The following ZNF549 variants were observed in gnomAD, a reference collection of about 807,000 sequenced individuals.
ZNF549 encodes the protein zinc finger protein 549.
In ZNF549, 11 loss-of-function variants were observed where a neutral mutation model predicts 11.1. The ratio of observed to expected loss-of-function variants is 0.99; its 90% CI spans 0.62 to 1.64. The LOEUF is 1.64. ZNF549 is among the 40% of genes most tolerant of loss of function. The pLI, the probability that ZNF549 is intolerant of heterozygous loss-of-function variation, is 0.00. For synonymous variants in ZNF549, 266 were observed against 269.1 expected (o/e 0.99, Z 0.11); for missense variants, 748 against 765.1 (o/e 0.98, Z 0.26).
In ZNF549 at chr19:57,538,868, T is replaced by G; in HGVS notation, c.1864T>G (p.Phe622Val). ...TGAATGTGGTAAATGTGGGAAAGCC[T>G]TCAACAAAAGATATTCCCTTGTCAG... The part of the protein sequence containing the change: ...PYECGKCGKA[F>V]NKRYSLVRHQ... Residue 622 changes from phenylalanine to valine, a missense_variant, in exon 4 of 4, where the codon TTC (phenylalanine) becomes GTC (valine). By Grantham distance (50) the Phe-to-Val change is conservative. Transcript: ENST00000376233. 1 of 1,611,768 alleles carries G rather than the reference T, an allele frequency of 6.2e-7. No individual in the cohort carries two copies.
At chr19:57,534,401 T>C (rs1237934460) in intron 2 of ZNF549, among the ~76,000 whole-genome samples, 6 of 152,198 alleles carry the variant, frequency 3.9e-5, no homozygotes, top group Admixed American at 1.3e-4. Context: ...TTGGTAACTC[T>C]TGGTAGGGCC....
rs1315432157 is a variant in ZNF549 at position 57,540,372 on chromosome 19, CCTT to C, written c.*1448_*1450del. 6.6e-6 allele frequency: 1 copy of C among 152,186 alleles called. No homozygotes were observed. The highest frequency in any genetic ancestry group is 2.4e-5 in the African/African-American group (1 of 41,442). The allele number at this position is 152,186 out of a possible 1,614,324, so 9.4% of individuals were successfully genotyped here. A position where few individuals can be genotyped will look rare whatever the true frequency, so the allele number is the denominator to read the frequency against. Reference sequence around the variant, plus strand: ...TGAGGTGCAGTTTTCATACACAAAACCTTCTATCTTTTTAAGAACTGTCTGTAT... The same window carrying C: ...TGAGGTGCAGTTTTCATACACAAAACCTATCTTTTTAAGAACTGTCTGTAT... On this transcript the variant is annotated 3_prime_UTR_variant, in exon 4 of 4. Transcript: ENST00000376233.
At chr19:57,531,049 A>G (rs774915569) in intron 1 of ZNF549, 21 bp from the exon 2 acceptor site, 4 of 1,598,046 alleles carry the variant, frequency 2.5e-6, no homozygotes, top group South Asian at 1.1e-5. Flanking sequence ...CCTGTATTTC[A>G]TAGCCTCCCT....
In ZNF549 at chr19:57,527,402, C is replaced by T. The variant is rs1376579731; in HGVS notation, c.-172C>T. The T allele has an allele frequency of 9.8e-6, 9 of 921,662 alleles. No homozygotes were observed. Among genetic ancestry groups the T allele is most frequent in the Non-Finnish European group, 1.5e-5 (9 of 602,732 alleles). The allele number at this position is 921,662 out of a possible 1,614,324, so 57.1% of individuals were successfully genotyped here. On this transcript the variant is annotated 5_prime_UTR_variant, in exon 1 of 4. Transcript: ENST00000376233. ...GTCCGCGGGCTGGGCGTTTCCGGCT[C>T]GCTGGGTCCGGGCCAGGTAACTGGA...
intron 1 of ZNF549, among the ~76,000 whole-genome samples, chr19:57,528,333 G>A (rs2089888522): frequency 6.6e-6 from 1 of 152,218 alleles, no homozygotes; most frequent in African/African-American, 2.4e-5. Flanking sequence ...TTTGGACGTG[G>A]TGTTTCTAAA....
chr19:57,537,234 C>T lies in ZNF549; in HGVS notation c.230C>T (p.Ala77Val), dbSNP rs1328378559. The change falls in exon 4 of 4, where the codon GCC becomes GTC. Residue 77 changes from alanine (A) to valine (V), a missense_variant. Transcript: ENST00000376233. The part of the protein sequence containing the change: ...GCLHGIEAEE[A>V]PSEQTLSAQG... ...TTGCATGGAATAGAGGCTGAGGAGG[C>T]CCCTTCTGAGCAGACTCTTTCTGCG... The T allele has an allele frequency of 1.2e-6, 2 of 1,613,872 alleles. No homozygotes were observed. Among genetic ancestry groups the T allele is most frequent in the Non-Finnish European group, 1.7e-6 (2 of 1,179,860 alleles).
At chr19:57,528,423 T>C (rs1304725635) in intron 1 of ZNF549, among the ~76,000 whole-genome samples, 1 of 152,152 alleles carries the variant, frequency 6.6e-6, no homozygotes, top group East Asian at 1.9e-4. Flanking sequence ...CTCAGTGATG[T>C]GTAAATGGAG....
chr19:57,530,378 T>A (rs568105438), intron 1 of ZNF549, among the ~76,000 whole-genome samples: 1 of 152,332 alleles, frequency 6.6e-6, no homozygotes, highest in East Asian at 1.9e-4. Context: ...TACCTTGCCA[T>A]ATGCATCGCT....
chr19:57,529,224 C>T (rs1185784918), intron 1 of ZNF549, among the ~76,000 whole-genome samples: 1 of 152,192 alleles, frequency 6.6e-6, no homozygotes, highest in Non-Finnish European at 1.5e-5. Context: ...CAATGAATGT[C>T]TGAACAGTAG....
At chr19:57,534,844 G>A (rs770186589) in intron 2 of ZNF549, among the ~76,000 whole-genome samples, 112 of 152,198 alleles carry the variant, frequency 7.4e-4, no homozygotes, top group East Asian at 7.7e-4. Flanking sequence ...TAGCAGTCAC[G>A]ATCTGGAGAT....
intron 3 of ZNF549, among the ~76,000 whole-genome samples, chr19:57,536,197 TC>T (rs1490823349): frequency 6.6e-6 from 1 of 152,186 alleles, no homozygotes; most frequent in Admixed American, 6.5e-5. Flanking sequence ...ATACAGATGT[TC>T]CTCAGCTCGT....
At chr19:57,529,504 ATCTC>A (rs2089894228) in intron 1 of ZNF549, among the ~76,000 whole-genome samples, 1 of 152,232 alleles carries the variant, frequency 6.6e-6, no homozygotes, top group Non-Finnish European at 1.5e-5. Context: ...TGAATGTGGT[ATCTC>A]TCTAAATATC....
chr19:57,536,253 G>A (rs764252610), intron 3 of ZNF549, among the ~76,000 whole-genome samples: 2 of 152,092 alleles, frequency 1.3e-5, no homozygotes, highest in African/African-American at 2.4e-5. Flanking sequence ...TGAGAATATC[G>A]TAAGTCAGAA....
chr19:57,537,085 C>G (rs2089927824), intron 3 of ZNF549, 119 bp from the exon 4 acceptor site: 5 of 1,196,738 alleles, frequency 4.2e-6, no homozygotes, highest in South Asian at 3.0e-5. Context: ...CAGAGCAAGA[C>G]CCTATCTCAA....
rs1315099285 is a variant in ZNF549 at position 57,538,326 on chromosome 19, G to A, written c.1322G>A (p.Gly441Glu). 1.9e-6 allele frequency: 3 copies of A among 1,613,514 alleles called. No individual in the cohort carries two copies. The highest frequency in any genetic ancestry group is 2.2e-5 in the South Asian group (2 of 91,062). ...CTTGAGCACCAGAGAATTCATACTG[G>A]AGAAAAGCCTTATGTGTGCATCATA... The part of the protein sequence containing the change: ...RLLEHQRIHT[G>E]EKPYVCIICG... The change falls in exon 4 of 4, where the codon GGA (glycine) becomes GAA (glutamate). Residue 441 changes from glycine to glutamate, a missense_variant. Physicochemically the swap from Gly to Glu is moderately conservative, Grantham distance 98 (BLOSUM62 -2). Coordinates refer to ENST00000376233, the MANE Select transcript of ZNF549 (RefSeq NM_001199295.2).
chr19:57,537,077 G>C, intron 3 of ZNF549, 127 bp from the exon 4 acceptor site: 1 of 1,126,716 alleles, frequency 8.9e-7, no homozygotes, highest in Non-Finnish European at 1.2e-6. Context: ...CTGGGTGACA[G>C]AGCAAGACCC....
Position 57,538,507 on chromosome 19 carries a change from T to C in ZNF549, c.1503T>C (p.Tyr501=), listed in dbSNP as rs1385717062. 5.6e-6 allele frequency: 9 copies of C among 1,614,180 alleles called. No individual in the cohort carries two copies. The highest frequency in any genetic ancestry group is 4.5e-5 in the East Asian group (2 of 44,874). The change falls in exon 4 of 4, where the codon TAT becomes TAC. Residue 501 remains tyrosine, a synonymous_variant. Transcript: ENST00000376233. ...HHKIHTRERP[Y]ECSECGKGFY... is the part of the protein sequence containing the mutation. Reference sequence around the variant, plus strand: ...AAATCCACACTAGAGAAAGGCCTTATGAATGCAGTGAATGTGGAAAAGGCT... The same window carrying C: ...AAATCCACACTAGAGAAAGGCCTTACGAATGCAGTGAATGTGGAAAAGGCT...
At chr19:57,527,703 A>G in intron 1 of ZNF549, 97 bp downstream of exon 1, 1 of 1,460,954 alleles carries the variant, frequency 6.8e-7, no homozygotes, top group Non-Finnish European at 9.4e-7. Flanking sequence ...TCTCCAGGAC[A>G]GCGAGGAGTT....
At position 57,527,374 on chromosome 19, in the gene ZNF549, C is replaced by T. The variant is rs933424361; in HGVS notation, c.-200C>T. On this transcript the variant is annotated 5_prime_UTR_variant, in exon 1 of 4. Coordinates refer to ENST00000376233, the MANE Select transcript of ZNF549 (RefSeq NM_001199295.2). ...GGTGGTCGTTTTTGCTGCCTGCGAG[C>T]GCGTCCGCGGGCTGGGCGTTTCCGG... is the stretch of plus-strand genomic sequence containing the variant. 7 of 701,882 alleles carry T rather than the reference C, an allele frequency of 1.0e-5. No homozygotes were observed. In the East Asian group the frequency reaches 1.6e-4, roughly 16 times the overall value. The allele number at this position is 701,882 out of a possible 1,614,324, so 43.5% of individuals were successfully genotyped here.
Sources: gnomAD v4.1 joint callset for allele counts (sites outside exome capture counted in the v4.1 genomes callset) on GRCh38, gnomAD v4.1.1 for gene constraint, MANE v1.5 for transcripts, NCBI Gene and HGNC (gene_info 2026-07-23, HGNC 2026-07-21) for gene names.